The following L3MBTL2 variants were observed in gnomAD, a reference collection of about 807,000 sequenced individuals.
The protein encoded by L3MBTL2 is L3MBTL histone methyl-lysine binding protein 2, also known as lethal(3)malignant brain tumor-like protein 2.
In L3MBTL2, 49 loss-of-function variants were observed where a neutral mutation model predicts 86.4. The ratio of observed to expected loss-of-function variants is 0.57; its 90% confidence interval spans 0.45 to 0.72. The LOEUF (loss-of-function observed/expected upper bound fraction) is 0.72, where lower values mean the gene tolerates loss of function less well. L3MBTL2 is among the 30% of genes least tolerant of loss of function. The pLI is 0.00. For missense variants in L3MBTL2, 755 were observed against 923.7 expected (o/e 0.82, Z 2.37); for synonymous variants, 336 against 350.6 (o/e 0.96, Z 0.47).
chr22:41,221,237 A>G lies in L3MBTL2; in HGVS notation c.892A>G (p.Met298Val). The G allele has an allele frequency of 3.2e-6, 5 of 1,551,536 alleles. No homozygotes were observed. Among genetic ancestry groups the G allele is most frequent in the East Asian group, 2.4e-5 (1 of 40,922 alleles). ...AKFTDWKGYL[M>V]KRLVGSRTLP... The stretch of plus-strand genomic sequence containing the variant: ...GTTCACCGACTGGAAGGGCTACCTC[A>G]TGAAACGGCTGGTGGGCTCCAGGAC... The change falls in exon 8 of 17, where the codon ATG (methionine) becomes GTG (valine). Residue 298 changes from methionine (M) to valine (V), a missense_variant. Coordinates refer to ENST00000216237, the MANE Select transcript of L3MBTL2 (RefSeq NM_031488.5).
intron 2 of L3MBTL2, among the ~76,000 whole-genome samples, chr22:41,212,422 C>G (rs1226990587): frequency 7.2e-6 from 1 of 138,852 alleles, no homozygotes; most frequent in South Asian, 2.3e-4. Flanking sequence ...TTTGAGACAG[C>G]GTTTCACTCT....
At chr22:41,212,784 A>T (rs2030996671) in intron 2 of L3MBTL2, among the ~76,000 whole-genome samples, 2 of 151,508 alleles carry the variant, frequency 1.3e-5, no homozygotes, top group African/African-American at 4.9e-5. Flanking sequence ...AGTCCCAGCT[A>T]CTCAAGAGGC....
chr22:41,228,288 G>C, intron 15 of L3MBTL2: 2 of 985,460 alleles, frequency 2.0e-6, no homozygotes, highest in Non-Finnish European at 2.4e-6. Context: ...AGACCTCTTT[G>C]AGGGTGGGAG....
chr22:41,208,566 T>C, intron 1 of L3MBTL2: 2 of 243,448 alleles, frequency 8.2e-6, no homozygotes, highest in South Asian at 3.9e-5. Context: ...CAAGGCCCTA[T>C]AGCTAGTTAG....
chr22:41,206,170 A>T (rs1363925811), intron 1 of L3MBTL2: 2 of 151,900 alleles, frequency 1.3e-5, no homozygotes, highest in African/African-American at 4.8e-5. Flanking sequence ...TTTAGTAGAG[A>T]CGAGGTTTTG....
intron 16 of L3MBTL2, 26 bp downstream of exon 16, chr22:41,229,682 G>A (rs377505983): frequency 6.2e-7 from 1 of 1,612,812 alleles, no homozygotes; most frequent in African/African-American, 1.3e-5. Context: ...CTGGGTCAAG[G>A]CAGGACCAGC....
intron 5 of L3MBTL2, 50 bp downstream of exon 5, chr22:41,217,252 C>T (rs752690505): frequency 7.0e-7 from 1 of 1,437,826 alleles, no homozygotes; most frequent in African/African-American, 1.4e-5. Context: ...GGGCCTGGAG[C>T]TGCTCCTCCA....
Position 41,227,391 on chromosome 22 carries a change from C to G in L3MBTL2, c.1822+68C>G. 1 of 1,436,708 alleles carries G rather than the reference C, an allele frequency of 7.0e-7. No homozygotes were observed. The highest frequency in any genetic ancestry group is 9.6e-7 in the Non-Finnish European group (1 of 1,044,524). The allele number at this position is 1,436,708 out of a possible 1,614,324, so 89.0% of individuals were successfully genotyped here. ...TCTTCTTTTTTCCTTCTTCCCCCGC[C>G]CCTGTGCCCATCTCCGTTCTTTGGC... On this transcript the variant is annotated intron_variant, in intron 14 of 16. Coordinates refer to ENST00000216237, the MANE Select transcript of L3MBTL2 (RefSeq NM_031488.5). This position sits in a 1 kb window ranked among gnomAD's most constrained non-coding sequence, Gnocchi z 6.0.
chr22:41,225,027 G>A lies in L3MBTL2; in HGVS notation c.1312G>A (p.Asp438Asn). 1 of 1,614,086 alleles carries A rather than the reference G, an allele frequency of 6.2e-7. No homozygotes were observed. The highest frequency in any genetic ancestry group is 1.1e-5 in the South Asian group (1 of 91,076). Residue 438 changes from aspartate to asparagine, a missense_variant, in exon 11 of 17, where the codon GAC becomes AAC. Physicochemically the swap from Asp to Asn is conservative, Grantham distance 23. This residue lies in a region of L3MBTL2 where 634 missense variants were observed against 748.9 expected (regional missense o/e 0.85). Transcript: ENST00000216237. The surrounding 1 kb of genome is among the most constrained non-coding windows in gnomAD (Gnocchi z 4.1). ...GGAAGGGATGAAGCTGGAGGCCATT[G>A]ACCCCCTGAATCTGGGCAACATCTG... is the stretch of plus-strand genomic sequence containing the variant. ...FEEGMKLEAIDPLNLGNICVA... is the reference protein window; with the variant it reads ...FEEGMKLEAINPLNLGNICVA...
intron 15 of L3MBTL2, 178 bp from the exon 16 acceptor site, chr22:41,229,362 C>G (rs1259890223): frequency 7.8e-6 from 5 of 640,476 alleles, no homozygotes; most frequent in Non-Finnish European, 1.0e-5. Flanking sequence ...TGGAGAGAAT[C>G]TGAGCTCAGG....
At chr22:41,228,350 A>C (rs1472097690) in intron 15 of L3MBTL2, 3 of 985,362 alleles carry the variant, frequency 3.0e-6, no homozygotes, top group African/African-American at 1.7e-5. Flanking sequence ...CCTGGCTCTC[A>C]GGCCGTGGGT....
intron 7 of L3MBTL2, 76 bp downstream of exon 7, chr22:41,220,944 G>C: frequency 6.6e-7 from 1 of 1,503,904 alleles, no homozygotes; most frequent in Non-Finnish European, 9.1e-7. Context: ...CTTGTGTTAG[G>C]TAGAATGGGA....
rs1410394048 is a variant in L3MBTL2 at position 41,225,633 on chromosome 22, A to G, written c.1357-161A>G. On this transcript the variant is annotated intron_variant, in intron 11 of 16. Transcript: ENST00000216237. This position sits in a 1 kb window ranked among gnomAD's most constrained non-coding sequence, Gnocchi z 4.1. ...GAATCCCACGCGTATGCATCACAGA[A>G]GTACTGTGTGCCCCAGAGAGGCTCA... Among the ~76,000 whole-genome samples, 1 of 152,208 alleles carries G rather than the reference A, an allele frequency of 6.6e-6. No individual in the cohort carries two copies. The highest frequency in any genetic ancestry group is 1.5e-5 in the Non-Finnish European group (1 of 68,038).
At position 41,220,740 on chromosome 22, in the gene L3MBTL2, G is replaced by T. The variant is rs372607973; in HGVS notation, c.725G>T (p.Arg242Leu). 1 of 1,612,512 alleles carries T rather than the reference G, an allele frequency of 6.2e-7. No individual in the cohort carries two copies. The highest frequency in any genetic ancestry group is 1.3e-5 in the African/African-American group (1 of 74,902). Residue 242 changes from arginine (R) to leucine (L), a missense_variant, in exon 7 of 17, where the codon CGG becomes CTG. Arg to Leu is a moderately radical substitution (Grantham distance 102). Transcript: ENST00000216237. ...IASVIQTAGY[R>L]VLLRYEGFEN... ...CCCTTTCCTTTCCTTTCAGGGTATC[G>T]GGTGCTGCTTCGGTATGAAGGCTTT...
chr22:41,209,611 G>C, intron 1 of L3MBTL2, 85 bp from the exon 2 acceptor site: 2 of 1,163,698 alleles, frequency 1.7e-6, no homozygotes, highest in Non-Finnish European at 2.5e-6. Flanking sequence ...GTGTGAGGGG[G>C]CTGATAGCAG....
intron 3 of L3MBTL2, among the ~76,000 whole-genome samples, chr22:41,215,755 T>A (rs2145583144): frequency 6.6e-6 from 1 of 152,336 alleles, no homozygotes; most frequent in East Asian, 1.9e-4. Context: ...CATTCGCGTA[T>A]GTACAGAAGG....
At chr22:41,216,029 C>T in intron 3 of L3MBTL2, 110 bp from the exon 4 acceptor site, 1 of 1,236,522 alleles carries the variant, frequency 8.1e-7, no homozygotes, top group Non-Finnish European at 1.1e-6. Context: ...AACTGAAGCC[C>T]AAAAGAGGTT....
intron 3 of L3MBTL2, chr22:41,214,268 C>T (rs2031152683): frequency 2.7e-6 from 1 of 373,604 alleles, no homozygotes; most frequent in Non-Finnish European, 4.9e-6. Flanking sequence ...GTATTCAGTA[C>T]ATTTTAAACA....
chr22:41,206,929 C>T (rs924479300), intron 1 of L3MBTL2, among the ~76,000 whole-genome samples: 2 of 152,106 alleles, frequency 1.3e-5, no homozygotes, highest in Non-Finnish European at 2.9e-5. Context: ...ATAAGAATAG[C>T]AAGTCACACT....
Sources: allele counts gnomAD v4.1 joint callset (sites outside exome capture counted in the v4.1 genomes callset), GRCh38; gene constraint gnomAD v4.1.1; regional missense constraint gnomAD v4.1.1; non-coding constraint Gnocchi (gnomAD v3.1); transcripts MANE v1.5; gene names NCBI Gene and HGNC (gene_info 2026-07-23, HGNC 2026-07-21).